The following SDK1 variants were observed in gnomAD, a reference collection of about 807,000 sequenced individuals.
SDK1 encodes the protein protein sidekick-1.
A neutral mutation model predicts 245.5 loss-of-function variants in SDK1; 157 were observed. The ratio of observed to expected loss-of-function variants is 0.64; its 90% confidence interval spans 0.56 to 0.73. The LOEUF is 0.73. Ranked by LOEUF, SDK1 falls within the 30% of genes least tolerant of loss-of-function variation. The pLI, the probability that SDK1 is intolerant of heterozygous loss-of-function variation, is 0.00. For missense variants in SDK1, 3,583 were observed against 3,002.3 expected (o/e 1.19, Z -4.52); for synonymous variants, 1,647 against 1,278.5 (o/e 1.29, Z -6.15).
At chr7:3,374,750 C>T (rs933201312) in intron 1 of SDK1, among the ~76,000 whole-genome samples, 5 of 152,156 alleles carry the variant, frequency 3.3e-5, no homozygotes, top group Non-Finnish European at 7.3e-5. Flanking sequence ...AACTCTAATT[C>T]ACCTTTCAGG....
chr7:4,056,623 G>A lies in SDK1; in HGVS notation c.2911+4793G>A, dbSNP rs540785342. Among the ~76,000 whole-genome samples the A allele has an allele frequency of 5.3e-5, 8 of 152,150 alleles. No homozygotes were observed. The South Asian group carries it at 1.7e-3, about 32-fold the overall frequency. On this transcript the variant is annotated intron_variant, in intron 19 of 44. Coordinates refer to ENST00000404826, the MANE Select transcript of SDK1 (RefSeq NM_152744.4). ...TTCCCACCACAGACTCCTGCAATCC[G>A]AGCCACAGGAAAGCCCCTCAAAACT...
intron 1 of SDK1, among the ~76,000 whole-genome samples, chr7:3,405,771 G>T (rs991526012): frequency 1.3e-5 from 2 of 150,946 alleles, no homozygotes; most frequent in African/African-American, 4.9e-5. Flanking sequence ...TACTGCTTCA[G>T]TGTAGTTCTG....
chr7:3,344,656 T>C (rs1283925339), intron 1 of SDK1, among the ~76,000 whole-genome samples: 1 of 146,906 alleles, frequency 6.8e-6, no homozygotes, highest in East Asian at 2.3e-4. Context: ...GTGGATATCG[T>C]GTTCTTCTTC....
chr7:4,028,122 C>T (rs80250614), intron 17 of SDK1, among the ~76,000 whole-genome samples: 11,333 of 152,178 alleles, frequency 0.074, 548 homozygotes, highest in Middle Eastern at 0.14. Flanking sequence ...GAATCAACAT[C>T]TCCTAGGAAC....
intron 27 of SDK1, 45 bp from the exon 28 acceptor site, chr7:4,132,279 AG>A (rs755300258): frequency 4.2e-5 from 63 of 1,482,452 alleles, no homozygotes; most frequent in Non-Finnish European, 5.4e-5. Flanking sequence ...CACGCACCCA[AG>A]GAACACTGTC....
rs1322115504 is a variant in SDK1, at chr7:3,672,786, T to C, written c.713+30681T>C. Among the ~76,000 whole-genome samples, 102 of 105,622 alleles carry C rather than the reference T, an allele frequency of 9.7e-4. 2 individuals are homozygous for C. Among genetic ancestry groups the C allele is most frequent in the Non-Finnish European group, 1.7e-3 (87 of 51,950 alleles). The allele number at this position is 105,622 out of a possible 152,430, so 69.3% of individuals were successfully genotyped here. ...ATATATATATATATATATATATATA[T>C]ATATATATAAAAAATACAGAAAGCT... On this transcript the variant is annotated intron_variant, in intron 4 of 44. Coordinates refer to ENST00000404826, the MANE Select transcript of SDK1 (RefSeq NM_152744.4).
chr7:4,251,743 C>T (rs1015963578), intron 44 of SDK1, among the ~76,000 whole-genome samples: 12 of 152,344 alleles, frequency 7.9e-5, no homozygotes, highest in African/African-American at 2.9e-4. Flanking sequence ...TCCCAGATGC[C>T]AACCAAGGGT....
At chr7:3,670,580 G>T (rs903640872) in intron 4 of SDK1, among the ~76,000 whole-genome samples, 1 of 152,120 alleles carries the variant, frequency 6.6e-6, no homozygotes, top group Non-Finnish European at 1.5e-5. Flanking sequence ...AAACGTGTGC[G>T]GTGGTAGCAC....
chr7:3,805,652 TC>T (rs1779223055), intron 4 of SDK1, among the ~76,000 whole-genome samples: 1 of 152,152 alleles, frequency 6.6e-6, no homozygotes, highest in East Asian at 1.9e-4. Flanking sequence ...ATTAGTAAAT[TC>T]CCCAGTAAGT....
intron 4 of SDK1, among the ~76,000 whole-genome samples, chr7:3,784,546 C>G (rs1476628255): frequency 6.6e-6 from 1 of 151,980 alleles, no homozygotes; most frequent in Non-Finnish European, 1.5e-5. Flanking sequence ...AAAAAATGGA[C>G]AAGGGACTGG....
chr7:4,205,827 G>T, intron 35 of SDK1, 52 bp from the exon 36 acceptor site: 1 of 1,435,738 alleles, frequency 7.0e-7, no homozygotes, highest in Non-Finnish European at 9.6e-7. Flanking sequence ...CGAGGGTCCG[G>T]GCCGGCTCTG....
At chr7:3,887,665 C>G (rs190440502) in intron 5 of SDK1, among the ~76,000 whole-genome samples, 2 of 152,284 alleles carry the variant, frequency 1.3e-5, no homozygotes, top group Admixed American at 6.5e-5. Flanking sequence ...CCTGATGATT[C>G]CTGAAGCAGA....
intron 30 of SDK1, among the ~76,000 whole-genome samples, chr7:4,151,357 T>C (rs917299447): frequency 1.1e-4 from 16 of 152,298 alleles, no homozygotes; most frequent in African/African-American, 3.8e-4. Context: ...CGAGGTGGAA[T>C]GGTCCCTGCG....
chr7:4,022,976 G>A (rs538747865), intron 17 of SDK1, among the ~76,000 whole-genome samples: 3 of 151,902 alleles, frequency 2.0e-5, no homozygotes, highest in Non-Finnish European at 2.9e-5. Flanking sequence ...GGGTTTCGCC[G>A]TGTTACCCAG....
At chr7:3,716,206 A>G (rs1785198094) in intron 4 of SDK1, among the ~76,000 whole-genome samples, 1 of 152,090 alleles carries the variant, frequency 6.6e-6, no homozygotes, top group East Asian at 1.9e-4. Flanking sequence ...GAGATGAGAA[A>G]GAAAATTGGG....
At chr7:3,436,142 A>G (rs762611682) in intron 1 of SDK1, among the ~76,000 whole-genome samples, 1 of 152,218 alleles carries the variant, frequency 6.6e-6, no homozygotes, top group Non-Finnish European at 1.5e-5. Context: ...AACACTGAAG[A>G]CATTTTTAAG....
chr7:3,579,124 A>T (rs144720411), intron 1 of SDK1, among the ~76,000 whole-genome samples: 1 of 151,950 alleles, frequency 6.6e-6, no homozygotes, highest in East Asian at 1.9e-4. Flanking sequence ...TGAAAGTACT[A>T]TCTTCTACTG....
intron 4 of SDK1, among the ~76,000 whole-genome samples, chr7:3,669,462 G>A (rs1002521561): frequency 1.3e-5 from 2 of 151,536 alleles, no homozygotes; most frequent in African/African-American, 2.4e-5. Flanking sequence ...CTTGAACTTC[G>A]CTGGTATTGA....
intron 35 of SDK1, among the ~76,000 whole-genome samples, chr7:4,190,547 A>G (rs780344212): frequency 2.0e-5 from 3 of 152,180 alleles, no homozygotes; most frequent in Non-Finnish European, 2.9e-5. Flanking sequence ...GCACAAATGC[A>G]CTAAGAAGCC....
Sources: allele counts gnomAD v4.1 joint callset (sites outside exome capture counted in the v4.1 genomes callset), GRCh38; gene constraint gnomAD v4.1.1; transcripts MANE v1.5; gene names NCBI Gene and HGNC (gene_info 2026-07-23, HGNC 2026-07-21).